Variants in ASTN1 observed in about 807,000 individuals in gnomAD.
The protein encoded by ASTN1 is astrotactin-1.
Under a neutral mutation model 140.7 loss-of-function variants are expected in ASTN1, and 41 were observed. That is an observed-to-expected ratio of 0.29 (90% confidence interval 0.23 to 0.38). The LOEUF (loss-of-function observed/expected upper bound fraction) is 0.38. Ranked by LOEUF, ASTN1 falls within the 10% of genes least tolerant of loss-of-function variation. The probability of loss-of-function intolerance (pLI) is 1.00; values close to 1 mark genes in which losing one functional copy is unlikely to be tolerated. For synonymous variants in ASTN1, 640 were observed against 652.2 expected (o/e 0.98, Z 0.29); for missense variants, 1,479 against 1,678.8 (o/e 0.88, Z 2.08).
At chr1:177,014,743 G>C in intron 8 of ASTN1, 48 bp downstream of exon 8, 1 of 1,521,612 alleles carries the variant, frequency 6.6e-7, no homozygotes, top group Non-Finnish European at 9.1e-7. Context: ...GTCTGTGTAA[G>C]GAGCAGTGAT....
Position 176,980,272 on chromosome 1 carries a change from G to A in ASTN1, c.1524-15035C>T, listed in dbSNP as rs188809047. Reference sequence around the variant, plus strand: ...TGACAGGGAGTAAGATGACAGGAAGGTGAGGGAGCCAGGTTCCCATTTCAC... The same window carrying A: ...TGACAGGGAGTAAGATGACAGGAAGATGAGGGAGCCAGGTTCCCATTTCAC... On this transcript the variant is annotated intron_variant, in intron 8 of 22. Transcript: ENST00000361833. Among the ~76,000 whole-genome samples the A allele has an allele frequency of 1.5e-3, 229 of 152,282 alleles. 1 individual carries two copies. The highest frequency in any genetic ancestry group is 0.011 in the South Asian group (53 of 4,822).
At chr1:176,860,687 T>C (rs749388517), downstream of ASTN1, among the ~76,000 whole-genome samples, 2 of 152,220 alleles carry the variant, frequency 1.3e-5, no homozygotes, top group African/African-American at 2.4e-5. Context: ...TTCTTTATCA[T>C]AGTCCTCCTC....
chr1:176,965,316 C>T, intron 8 of ASTN1, 79 bp from the exon 9 acceptor site: 2 of 1,461,372 alleles, frequency 1.4e-6, no homozygotes, highest in Admixed American at 1.7e-5. Context: ...AGGCACAGTG[C>T]TAGGTGGTAG....
intron 8 of ASTN1, among the ~76,000 whole-genome samples, chr1:176,987,083 G>A (rs1486810300): frequency 6.6e-6 from 1 of 152,086 alleles, no homozygotes; most frequent in Admixed American, 6.5e-5. Flanking sequence ...GGGAGTCAGG[G>A]ACACTGCCAA....
At chr1:177,109,803 C>A (rs996430189) in intron 1 of ASTN1, among the ~76,000 whole-genome samples, 1 of 152,140 alleles carries the variant, frequency 6.6e-6, no homozygotes. Context: ...TGGGTCCTTC[C>A]TTTCATAATA....
At chr1:176,972,650 C>T (rs1244229799) in intron 8 of ASTN1, among the ~76,000 whole-genome samples, 1 of 152,092 alleles carries the variant, frequency 6.6e-6, no homozygotes, top group Non-Finnish European at 1.5e-5. Context: ...AGCTGTGAGC[C>T]ACCATGCTTG....
intron 14 of ASTN1, among the ~76,000 whole-genome samples, chr1:176,942,457 G>A (rs1671758906): frequency 6.6e-6 from 1 of 152,048 alleles, no homozygotes. Flanking sequence ...ATAACTTGAT[G>A]TCTGGAAGAG....
At chr1:177,010,069 C>T (rs901145475) in intron 8 of ASTN1, among the ~76,000 whole-genome samples, 4 of 152,224 alleles carry the variant, frequency 2.6e-5, no homozygotes, top group South Asian at 2.1e-4. Context: ...TGTAGTCTTT[C>T]GTAATCATTT....
intron 2 of ASTN1, among the ~76,000 whole-genome samples, chr1:177,054,691 G>A (rs1489650526): frequency 6.6e-6 from 1 of 152,222 alleles, no homozygotes; most frequent in Non-Finnish European, 1.5e-5. Context: ...ACATTTAACA[G>A]CAGTGGGAAC....
At chr1:177,020,859 TTGTG>T (rs138744561) in intron 7 of ASTN1, among the ~76,000 whole-genome samples, 13 of 151,504 alleles carry the variant, frequency 8.6e-5, no homozygotes, top group South Asian at 4.2e-4. Context: ...GTTTGTGTGT[TTGTG>T]TGTGTGTGTG....
intron 1 of ASTN1, among the ~76,000 whole-genome samples, chr1:177,080,479 A>G (rs1428435764): frequency 1.3e-5 from 2 of 152,176 alleles, no homozygotes; most frequent in East Asian, 3.8e-4. Flanking sequence ...AAATGACACA[A>G]ACTTATTTGT....
intron 1 of ASTN1, among the ~76,000 whole-genome samples, chr1:177,087,734 C>A (rs142819786): frequency 2.0e-5 from 3 of 152,318 alleles, no homozygotes; most frequent in East Asian, 3.9e-4. Flanking sequence ...ATTCAGAGAG[C>A]CCAAGGTGCT....
At chr1:177,078,932 GT>G (rs1679052202) in intron 1 of ASTN1, among the ~76,000 whole-genome samples, 1 of 152,006 alleles carries the variant, frequency 6.6e-6, no homozygotes, top group African/African-American at 2.4e-5. Flanking sequence ...ATACTGTCAT[GT>G]AAAAAAAAAT....
chr1:176,920,328 A>G (rs1670673518), intron 16 of ASTN1, among the ~76,000 whole-genome samples: 1 of 152,170 alleles, frequency 6.6e-6, no homozygotes, highest in African/African-American at 2.4e-5. Flanking sequence ...TGGGCAGCCA[A>G]TGGACCTCTA....
At chr1:177,137,759 T>C (rs1221259591) in intron 1 of ASTN1, among the ~76,000 whole-genome samples, 1 of 152,224 alleles carries the variant, frequency 6.6e-6, no homozygotes, top group East Asian at 1.9e-4. Context: ...CTGGGTCTCC[T>C]GCCTCTTAGC....
At chr1:176,978,550 T>G (rs574399002) in intron 8 of ASTN1, among the ~76,000 whole-genome samples, 3 of 152,240 alleles carry the variant, frequency 2.0e-5, no homozygotes, top group African/African-American at 7.2e-5. Flanking sequence ...GCCTCAGAGT[T>G]TTGAGCTAGA....
intron 16 of ASTN1, among the ~76,000 whole-genome samples, chr1:176,918,042 T>C (rs1230501743): frequency 6.6e-6 from 1 of 152,154 alleles, no homozygotes; most frequent in Admixed American, 6.5e-5. Context: ...TTAGTAGGCT[T>C]GACCTACTAA....
intron 17 of ASTN1, among the ~76,000 whole-genome samples, chr1:176,894,208 G>C (rs1312634130): frequency 6.6e-6 from 1 of 152,008 alleles, no homozygotes; most frequent in Non-Finnish European, 1.5e-5. Context: ...ACCAGAGTGA[G>C]GCAGAACTGA....
chr1:176,975,203 C>T (rs1356495518), intron 8 of ASTN1, among the ~76,000 whole-genome samples: 1 of 152,228 alleles, frequency 6.6e-6, no homozygotes, highest in Non-Finnish European at 1.5e-5. Context: ...TGCATTTCCA[C>T]AAGCCAGGCA....
Sources: gnomAD v4.1 joint callset for allele counts (sites outside exome capture counted in the v4.1 genomes callset) on GRCh38, gnomAD v4.1.1 for gene constraint, MANE v1.5 for transcripts, NCBI Gene and HGNC (gene_info 2026-07-23, HGNC 2026-07-21) for gene names.